ATP11A: variants seen among roughly 807,000 people sequenced by gnomAD.
ATP11A encodes phospholipid-transporting ATPase IH.
In ATP11A, 81 loss-of-function variants were observed where a neutral mutation model predicts 154.4. The ratio of observed to expected loss-of-function variants is 0.52; its 90% CI spans 0.44 to 0.63. The LOEUF is 0.63. Ranked by LOEUF, ATP11A falls within the 30% of genes least tolerant of loss-of-function variation. The probability of loss-of-function intolerance (pLI) is 0.00; values close to 1 mark genes in which losing one functional copy is unlikely to be tolerated. For missense variants in ATP11A, 1,316 were observed against 1,474.3 expected (o/e 0.89, Z 1.76); for synonymous variants, 623 against 585.9 (o/e 1.06, Z -0.91).
At chr13:112,759,710 CTT>C (rs977750916) in intron 1 of ATP11A, among the ~76,000 whole-genome samples, 1 of 152,078 alleles carries the variant, frequency 6.6e-6, no homozygotes, top group African/African-American at 2.4e-5. Flanking sequence ...GTTTTGTAAA[CTT>C]TTAATTTTTT....
intron 1 of ATP11A, among the ~76,000 whole-genome samples, chr13:112,728,962 A>G (rs764519771): frequency 6.6e-6 from 1 of 152,162 alleles, no homozygotes; most frequent in Non-Finnish European, 1.5e-5. Flanking sequence ...GCATGTGACA[A>G]GCAAATGCAG....
In ATP11A at chr13:112,885,757, C is replaced by G. The variant is rs909465106; in HGVS notation, c.*3891C>G. On this transcript the variant is annotated 3_prime_UTR_variant, in exon 30 of 30. Transcript: ENST00000375645. The stretch of plus-strand genomic sequence containing the variant: ...CATCCTGCCTCCTTGCTGAGGGGCC[C>G]CTGTGAGAGGCCTCTGGATGGGCAT... The G allele has an allele frequency of 6.6e-6, 1 of 152,382 alleles. No individual in the cohort carries two copies. Among genetic ancestry groups the G allele is most frequent in the African/African-American group, 2.4e-5 (1 of 41,468 alleles). 9.4% of individuals were successfully genotyped at this position (152,382 alleles called of 1,614,324 possible). A position where few individuals can be genotyped will look rare whatever the true frequency, so the allele number is the denominator to read the frequency against.
intron 28 of ATP11A, 54 bp from the exon 29 acceptor site, chr13:112,878,163 C>A: frequency 1.3e-6 from 2 of 1,541,522 alleles, no homozygotes; most frequent in Non-Finnish European, 1.8e-6. Flanking sequence ...TGCCTAAATC[C>A]TCACACCTTG....
intron 1 of ATP11A, among the ~76,000 whole-genome samples, chr13:112,732,607 T>A (rs571731225): frequency 6.6e-6 from 1 of 152,234 alleles, no homozygotes; most frequent in African/African-American, 2.4e-5. Flanking sequence ...TGCCTCTAGT[T>A]TGTTTGTTTG....
intron 25 of ATP11A, among the ~76,000 whole-genome samples, chr13:112,866,045 A>G (rs1219327748): frequency 6.6e-6 from 1 of 152,252 alleles, no homozygotes; most frequent in Non-Finnish European, 1.5e-5. Flanking sequence ...GTAGTTTTCT[A>G]GCAGACATTC....
intron 1 of ATP11A, among the ~76,000 whole-genome samples, chr13:112,732,714 C>T (rs1281071653): frequency 6.6e-6 from 1 of 152,186 alleles, no homozygotes; most frequent in Non-Finnish European, 1.5e-5. Context: ...CAGGTTCAAG[C>T]GATTCTTACG....
chr13:112,852,619 G>A (rs905453434), intron 18 of ATP11A, among the ~76,000 whole-genome samples: 1 of 152,154 alleles, frequency 6.6e-6, no homozygotes, highest in Admixed American at 6.5e-5. Flanking sequence ...GGTGTCCGTA[G>A]GATGGTGTTT....
intron 1 of ATP11A, among the ~76,000 whole-genome samples, chr13:112,768,890 A>C (rs1401101361): frequency 6.6e-6 from 1 of 152,200 alleles, no homozygotes; most frequent in African/African-American, 2.4e-5. Context: ...GTTGCTGCTC[A>C]TTCTCATGCT....
chr13:112,864,520 C>T (rs1198774868), intron 25 of ATP11A, among the ~76,000 whole-genome samples: 9 of 74,908 alleles, frequency 1.2e-4, no homozygotes, highest in African/African-American at 3.5e-4. Flanking sequence ...GTGCAGCTTC[C>T]CAGCGGGGTC....
intron 1 of ATP11A, among the ~76,000 whole-genome samples, chr13:112,720,349 A>G (rs1889006555): frequency 6.6e-6 from 1 of 152,258 alleles, no homozygotes; most frequent in Non-Finnish European, 1.5e-5. Flanking sequence ...TGGTTAAAGC[A>G]GTAAAGCTTT....
intron 16 of ATP11A, among the ~76,000 whole-genome samples, chr13:112,841,899 G>A (rs545891086): frequency 1.3e-5 from 2 of 152,350 alleles, no homozygotes; most frequent in Non-Finnish European, 2.9e-5. Context: ...ATGACTCTCC[G>A]AAGGGGATTT....
chr13:112,873,183 C>T (rs9549585), intron 26 of ATP11A, among the ~76,000 whole-genome samples: 28 of 138,544 alleles, frequency 2.0e-4, no homozygotes, highest in African/African-American at 4.2e-4. Flanking sequence ...CTTTGTCTTC[C>T]TGAGCGGTGT....
intron 12 of ATP11A, among the ~76,000 whole-genome samples, chr13:112,830,837 A>C (rs888637765): frequency 2.0e-5 from 3 of 152,234 alleles, no homozygotes; most frequent in African/African-American, 7.2e-5. Flanking sequence ...TTGTATCTTT[A>C]ACACATATCA....
chr13:112,824,867 T>G (rs993188559), intron 10 of ATP11A, among the ~76,000 whole-genome samples: 1 of 152,226 alleles, frequency 6.6e-6, no homozygotes, highest in East Asian at 1.9e-4. Flanking sequence ...ATGATAAATA[T>G]GTCAGGATGG....
intron 8 of ATP11A, among the ~76,000 whole-genome samples, chr13:112,820,394 C>T (rs769220246): frequency 1.1e-4 from 16 of 152,364 alleles, no homozygotes; most frequent in South Asian, 2.1e-4. Flanking sequence ...GCATTACTGG[C>T]TCAAGGCCTA....
chr13:112,820,700 T>C (rs1437481552), intron 8 of ATP11A, among the ~76,000 whole-genome samples: 1 of 152,270 alleles, frequency 6.6e-6, no homozygotes, highest in Non-Finnish European at 1.5e-5. Flanking sequence ...GATATTTGAA[T>C]GTCACAGTTT....
intron 1 of ATP11A, among the ~76,000 whole-genome samples, chr13:112,700,907 G>A (rs924196082): frequency 7.2e-5 from 11 of 152,174 alleles, no homozygotes; most frequent in African/African-American, 2.2e-4. Flanking sequence ...CCATCTCCAC[G>A]TGCGTGGGCT....
At chr13:112,818,350 G>C (rs1051414977) in intron 6 of ATP11A, among the ~76,000 whole-genome samples, 4 of 151,880 alleles carry the variant, frequency 2.6e-5, no homozygotes, top group African/African-American at 9.7e-5. Flanking sequence ...CTTGGTGACG[G>C]AACGGTGATC....
rs376990590 is a variant in ATP11A at position 112,700,665 on chromosome 13, G to A, written c.39+10210G>A. Among the ~76,000 whole-genome samples the A allele has an allele frequency of 1.1e-4, 16 of 152,348 alleles. No homozygotes were observed. The East Asian group carries it at 2.3e-3, about 22-fold the overall frequency. On this transcript the variant is annotated intron_variant, in intron 1 of 29. Coordinates refer to ENST00000375645, the MANE Select transcript of ATP11A (RefSeq NM_015205.3). ...AGGTTGTGCCTGTTGTCCCCACATC[G>A]TTAATAATTATCCATAGCGTCCCCT...
Sources: allele counts gnomAD v4.1 joint callset (sites outside exome capture counted in the v4.1 genomes callset), GRCh38; gene constraint gnomAD v4.1.1; transcripts MANE v1.5; gene names NCBI Gene and HGNC (gene_info 2026-07-23, HGNC 2026-07-21).